Variants in PDE7B observed in about 807,000 individuals in gnomAD.
PDE7B encodes phosphodiesterase 7B, also known as 3',5'-cyclic-AMP phosphodiesterase 7B.
Under a neutral mutation model 56.2 loss-of-function variants are expected in PDE7B, and 29 were observed. That is an observed-to-expected ratio of 0.52 (90% confidence interval 0.38 to 0.70). The LOEUF is 0.70. Ranked by LOEUF, PDE7B falls within the 30% of genes least tolerant of loss-of-function variation. The pLI is 0.00. For synonymous variants in PDE7B, 197 were observed against 196.9 expected (o/e 1.00, Z 0.00); for missense variants, 490 against 565.0 (o/e 0.87, Z 1.35).
Position 136,130,481 on chromosome 6 carries a change from C to T in PDE7B, c.167-16870C>T, listed in dbSNP as rs559918719. Among the ~76,000 whole-genome samples, 8 of 152,294 alleles carry T rather than the reference C, an allele frequency of 5.3e-5. 2 individuals carry two copies. In the South Asian group the frequency reaches 1.7e-3, roughly 32 times the overall value. On this transcript the variant is annotated intron_variant, in intron 3 of 12. Transcript: ENST00000308191. ...GAGCGGCAAAGTAGAGCATCACTTT[C>T]TTGAGAGCAGAGCACCCGCTAGACA... is the stretch of plus-strand genomic sequence containing the variant.
intron 2 of PDE7B, among the ~76,000 whole-genome samples, chr6:135,978,910 C>A (rs1237289666): frequency 6.6e-6 from 1 of 151,900 alleles, no homozygotes; most frequent in Non-Finnish European, 1.5e-5. Context: ...ACTTCCAACA[C>A]TATGTTGAAT....
intron 2 of PDE7B, among the ~76,000 whole-genome samples, chr6:136,035,872 T>C (rs1224767978): frequency 6.6e-6 from 1 of 152,228 alleles, no homozygotes; most frequent in East Asian, 1.9e-4. Flanking sequence ...TCTTAGTACA[T>C]TAGTGTATGT....
chr6:136,152,647 C>T (rs1307974416), intron 6 of PDE7B, among the ~76,000 whole-genome samples: 1 of 152,140 alleles, frequency 6.6e-6, no homozygotes, highest in Non-Finnish European at 1.5e-5. Flanking sequence ...TATTTATCTG[C>T]CAGTGAATTT....
chr6:135,985,717 A>G (rs1017253114), intron 2 of PDE7B, among the ~76,000 whole-genome samples: 1 of 152,222 alleles, frequency 6.6e-6, no homozygotes, highest in Non-Finnish European at 1.5e-5. Flanking sequence ...AGAGCAAGTT[A>G]CTGTTCAGTT....
chr6:136,125,351 A>C (rs980956834), intron 3 of PDE7B, among the ~76,000 whole-genome samples: 4 of 152,148 alleles, frequency 2.6e-5, no homozygotes, highest in African/African-American at 9.7e-5. Context: ...AGGCAGGAGG[A>C]TCGCTTGAGG....
At chr6:136,116,539 C>T (rs1382398229) in intron 3 of PDE7B, among the ~76,000 whole-genome samples, 1 of 152,112 alleles carries the variant, frequency 6.6e-6, no homozygotes, top group Non-Finnish European at 1.5e-5. Context: ...TAAAAGAAGA[C>T]ATAAAACTGG....
At chr6:136,119,883 A>G (rs1037390798) in intron 3 of PDE7B, among the ~76,000 whole-genome samples, 2 of 152,178 alleles carry the variant, frequency 1.3e-5, no homozygotes, top group Non-Finnish European at 2.9e-5. Context: ...AAAAAGAGAA[A>G]ATAAAACACC....
At chr6:136,039,469 G>C (rs1766102502) in intron 2 of PDE7B, among the ~76,000 whole-genome samples, 1 of 152,144 alleles carries the variant, frequency 6.6e-6, no homozygotes, top group African/African-American at 2.4e-5. Context: ...AGATGGAAAA[G>C]ATACATCAAA....
In PDE7B at chr6:136,154,106, C is replaced by T. The variant is rs1778568388; in HGVS notation, c.510C>T (p.Asn170=). 6.2e-7 allele frequency: 1 copy of T among 1,613,870 alleles called. No homozygotes were observed. The highest frequency in any genetic ancestry group is 8.5e-7 in the Non-Finnish European group (1 of 1,179,820). The change falls in exon 7 of 13, where the codon AAC becomes AAT. Residue 170 remains asparagine (N), a synonymous_variant. Transcript: ENST00000308191. ...VMVQEDYHSQ[N]PYHNAVHAAD... ...TTCAAGAAGATTACCACAGCCAAAACCCGTATCACAATGCTGTTCACGCAG... is the reference window on the plus strand; with the variant it reads ...TTCAAGAAGATTACCACAGCCAAAATCCGTATCACAATGCTGTTCACGCAG...
chr6:135,956,701 G>C (rs543870552), intron 2 of PDE7B, among the ~76,000 whole-genome samples: 1 of 152,066 alleles, frequency 6.6e-6, no homozygotes, highest in South Asian at 2.1e-4. Flanking sequence ...GATCCATTGA[G>C]CCCAGGAGGT....
In PDE7B at chr6:135,870,647, G is replaced by GT. The variant is rs112516391; in HGVS notation, c.21+18631dup. On this transcript the variant is annotated intron_variant, in intron 1 of 12. Coordinates refer to ENST00000308191, the MANE Select transcript of PDE7B (RefSeq NM_018945.4). Reference sequence around the variant, plus strand: ...ATTAGGGAAGATCGAGGGAGGATCAGTTTGGAGGAGGGGAGATGCAGGAAA... The same window carrying GT: ...ATTAGGGAAGATCGAGGGAGGATCAGTTTTGGAGGAGGGGAGATGCAGGAAA... 6.4e-3 allele frequency among the ~76,000 whole-genome samples: 967 copies of GT among 152,148 alleles called. 14 individuals carry two copies. Among genetic ancestry groups the GT allele is most frequent in the African/African-American group, 0.022 (915 of 41,514 alleles).
At chr6:136,023,635 A>AT (rs1158225754) in intron 2 of PDE7B, among the ~76,000 whole-genome samples, 1 of 152,152 alleles carries the variant, frequency 6.6e-6, no homozygotes, top group Non-Finnish European at 1.5e-5. Flanking sequence ...AAAGCTAGCT[A>AT]TTTTTTGACT....
At chr6:135,885,537 G>C (rs1775691764) in intron 1 of PDE7B, among the ~76,000 whole-genome samples, 1 of 152,102 alleles carries the variant, frequency 6.6e-6, no homozygotes, top group Non-Finnish European at 1.5e-5. Flanking sequence ...TAAATGTTCA[G>C]AAAAATAAGA....
rs557179921 is a variant in PDE7B, at chr6:136,013,074, CAT to C, written c.82+65551_82+65552del. Among the ~76,000 whole-genome samples the C allele has an allele frequency of 1.1e-4, 16 of 152,216 alleles. No homozygotes were observed. The East Asian group carries it at 2.3e-3, about 22-fold the overall frequency. ...AGAAATCATGTTATCTTTGATGTAA[CAT>C]GTGTAGAACTAACACAAGTGTTTGC... On this transcript the variant is annotated intron_variant, in intron 2 of 12. Coordinates refer to ENST00000308191, the MANE Select transcript of PDE7B (RefSeq NM_018945.4).
At chr6:136,107,905 G>GA (rs1777673398) in intron 2 of PDE7B, among the ~76,000 whole-genome samples, 2 of 152,146 alleles carry the variant, frequency 1.3e-5, no homozygotes, top group East Asian at 3.9e-4. Context: ...GAGGTGGGTG[G>GA]ATCACAAGGT....
At chr6:136,046,048 C>A (rs1158126042) in intron 2 of PDE7B, among the ~76,000 whole-genome samples, 1 of 151,832 alleles carries the variant, frequency 6.6e-6, no homozygotes, top group South Asian at 2.1e-4. Context: ...TTCAGAAAAC[C>A]TGCAGGACAT....
At chr6:136,010,235 T>A (rs1254431631) in intron 2 of PDE7B, among the ~76,000 whole-genome samples, 5 of 152,172 alleles carry the variant, frequency 3.3e-5, no homozygotes, top group Admixed American at 1.3e-4. Flanking sequence ...GCAATTTTTT[T>A]TATTGTATTC....
intron 3 of PDE7B, among the ~76,000 whole-genome samples, chr6:136,146,558 T>G (rs962489632): frequency 2.6e-5 from 4 of 152,228 alleles, no homozygotes; most frequent in Admixed American, 6.5e-5. Flanking sequence ...TTGATTCCTT[T>G]GCCAATTATG....
chr6:135,978,491 T>G (rs920862688), intron 2 of PDE7B, among the ~76,000 whole-genome samples: 18 of 152,102 alleles, frequency 1.2e-4, no homozygotes, highest in Admixed American at 2.0e-4. Flanking sequence ...AATTATTTCT[T>G]CAAGAATAAA....
Sources: gnomAD v4.1 joint callset for allele counts (sites outside exome capture counted in the v4.1 genomes callset) on GRCh38, gnomAD v4.1.1 for gene constraint, MANE v1.5 for transcripts, NCBI Gene and HGNC (gene_info 2026-07-23, HGNC 2026-07-21) for gene names.